GRID2: variants seen among roughly 807,000 people sequenced by gnomAD.
GRID2 encodes the protein glutamate receptor ionotropic, delta-2.
Under a neutral mutation model 114.8 loss-of-function variants are expected in GRID2, and 33 were observed. The ratio of observed to expected loss-of-function variants is 0.29; its 90% confidence interval spans 0.22 to 0.38. The LOEUF is 0.38. GRID2 is among the 10% of genes least tolerant of loss of function. GRID2 has a pLI of 1.00. For synonymous variants in GRID2, 505 were observed against 449.9 expected (o/e 1.12, Z -1.55); for missense variants, 1,184 against 1,257.7 (o/e 0.94, Z 0.89).
chr4:92,707,568 G>T (rs1252155059), intron 2 of GRID2, among the ~76,000 whole-genome samples: 1 of 152,108 alleles, frequency 6.6e-6, no homozygotes, highest in African/African-American at 2.4e-5. Flanking sequence ...GAATGCTAAT[G>T]CAATGTTAAC....
At chr4:92,441,754 T>G (rs112709216) in intron 1 of GRID2, among the ~76,000 whole-genome samples, 6,603 of 151,740 alleles carry the variant, frequency 0.044, 144 homozygotes, top group South Asian at 0.08. Flanking sequence ...AATGAGATGG[T>G]AAGGGGTGCA....
intron 9 of GRID2, among the ~76,000 whole-genome samples, chr4:93,398,874 C>T (rs1220499005): frequency 6.6e-6 from 1 of 151,128 alleles, no homozygotes; most frequent in Non-Finnish European, 1.5e-5. Context: ...ATTTTGCATG[C>T]TTCCTATGTC....
chr4:93,542,254 C>T (rs541543141), intron 13 of GRID2, among the ~76,000 whole-genome samples: 1 of 152,262 alleles, frequency 6.6e-6, no homozygotes, highest in African/African-American at 2.4e-5. Context: ...CGTAGTGGCA[C>T]TGAATTAATG....
intron 2 of GRID2, among the ~76,000 whole-genome samples, chr4:92,762,593 A>C (rs1031339014): frequency 2.0e-5 from 3 of 152,204 alleles, no homozygotes; most frequent in Admixed American, 6.5e-5. Flanking sequence ...GAAATATGAT[A>C]CCATAAACCC....
At chr4:93,114,235 G>A (rs1733032472) in intron 4 of GRID2, among the ~76,000 whole-genome samples, 1 of 152,086 alleles carries the variant, frequency 6.6e-6, no homozygotes, top group Non-Finnish European at 1.5e-5. Context: ...TACAATTGTT[G>A]CTTCAAAGGT....
intron 12 of GRID2, among the ~76,000 whole-genome samples, chr4:93,508,887 A>T (rs1160677890): frequency 6.6e-6 from 1 of 152,232 alleles, no homozygotes; most frequent in Non-Finnish European, 1.5e-5. Flanking sequence ...TTCTCCAGGT[A>T]GACAGAGAAG....
At chr4:92,333,226 T>C (rs1314202025) in intron 1 of GRID2, among the ~76,000 whole-genome samples, 34 of 152,188 alleles carry the variant, frequency 2.2e-4, no homozygotes, top group Non-Finnish European at 3.2e-4. Context: ...TGTGTGTACG[T>C]GGTGACACAA....
At chr4:92,996,289 C>T (rs563820235) in intron 2 of GRID2, among the ~76,000 whole-genome samples, 43 of 150,016 alleles carry the variant, frequency 2.9e-4, no homozygotes, top group African/African-American at 1.0e-3. Flanking sequence ...GACTCTCTCT[C>T]TTTCTAAAAA....
intron 9 of GRID2, among the ~76,000 whole-genome samples, chr4:93,402,501 C>G (rs1157039776): frequency 6.6e-6 from 1 of 152,018 alleles, no homozygotes; most frequent in African/African-American, 2.4e-5. Context: ...TCATAAAAGT[C>G]TAATTATTCA....
At position 93,200,594 on chromosome 4, in the gene GRID2, A is replaced by AAAC. The variant is rs1560978179; in HGVS notation, c.736-6808_736-6807insCAA. Among the ~76,000 whole-genome samples, 97 of 126,408 alleles carry AAAC rather than the reference A, an allele frequency of 7.7e-4. No individual in the cohort carries two copies. The Middle Eastern group carries it at 0.021, about 27-fold the overall frequency. The allele number at this position is 126,408 out of a possible 152,430, so 82.9% of individuals were successfully genotyped here. A position where few individuals can be genotyped will look rare whatever the true frequency, so the allele number is the denominator to read the frequency against. On this transcript the variant is annotated intron_variant, in intron 4 of 15. Transcript: ENST00000282020. ...ACAAACAAACAAACAAACAAACAAAAAAACATTACATATACATTTGTGTCA... is the reference window on the plus strand; with the variant it reads ...ACAAACAAACAAACAAACAAACAAAAAACAAACATTACATATACATTTGTGTCA...
At chr4:92,322,400 C>T (rs138222145) in intron 1 of GRID2, among the ~76,000 whole-genome samples, 38 of 151,328 alleles carry the variant, frequency 2.5e-4, no homozygotes, top group African/African-American at 6.6e-4. Context: ...GGACTCCTTT[C>T]GGAATAAAAA....
At chr4:93,626,240 T>C (rs759365052) in intron 13 of GRID2, 29 bp from the exon 14 acceptor site, 3 of 1,392,542 alleles carry the variant, frequency 2.2e-6, no homozygotes, top group Non-Finnish European at 2.0e-6. Flanking sequence ...TAAACCCTAT[T>C]TCTTCTTTTG....
At chr4:93,794,492 G>A (rs530264099) in intron 1 of GRID2, among the ~76,000 whole-genome samples, 7 of 152,242 alleles carry the variant, frequency 4.6e-5, no homozygotes, top group Admixed American at 3.9e-4. Context: ...AGACCCAGGC[G>A]CCACGGCACC....
chr4:92,436,792 G>T (rs781590431), intron 1 of GRID2, among the ~76,000 whole-genome samples: 1 of 152,128 alleles, frequency 6.6e-6, no homozygotes, highest in Non-Finnish European at 1.5e-5. Context: ...TCTCCTAAAT[G>T]CCTGATACTT....
intron 11 of GRID2, among the ~76,000 whole-genome samples, chr4:93,457,204 C>G (rs1723290800): frequency 6.6e-6 from 1 of 152,030 alleles, no homozygotes; most frequent in African/African-American, 2.4e-5. Flanking sequence ...GTTAGGAGAT[C>G]ATAGGTGTAG....
At chr4:92,319,788 A>G (rs934622436) in intron 1 of GRID2, among the ~76,000 whole-genome samples, 1 of 152,206 alleles carries the variant, frequency 6.6e-6, no homozygotes, top group Non-Finnish European at 1.5e-5. Flanking sequence ...ATGAAATTTT[A>G]CATTGTTTGT....
chr4:93,023,418 T>G (rs1723583191), intron 2 of GRID2, among the ~76,000 whole-genome samples: 1 of 152,024 alleles, frequency 6.6e-6, no homozygotes, highest in African/African-American at 2.4e-5. Flanking sequence ...TAAGGAAACC[T>G]GTGTAACTTT....
intron 2 of GRID2, among the ~76,000 whole-genome samples, chr4:92,791,177 A>C (rs1349231939): frequency 1.3e-5 from 2 of 151,830 alleles, no homozygotes; most frequent in African/African-American, 4.8e-5. Flanking sequence ...ACCAAAAATG[A>C]GAAAGAGAAT....
At chr4:93,164,025 C>G (rs900609607) in intron 4 of GRID2, among the ~76,000 whole-genome samples, 1 of 151,946 alleles carries the variant, frequency 6.6e-6, no homozygotes, top group African/African-American at 2.4e-5. Context: ...TAAGTTAGTT[C>G]TCTTTATCCA....
Sources: gnomAD v4.1 joint callset for allele counts (sites outside exome capture counted in the v4.1 genomes callset) on GRCh38, gnomAD v4.1.1 for gene constraint, MANE v1.5 for transcripts, NCBI Gene and HGNC (gene_info 2026-07-23, HGNC 2026-07-21) for gene names.